HNRNPL: variants seen among roughly 807,000 people sequenced by gnomAD.
HNRNPL encodes heterogeneous nuclear ribonucleoprotein L.
Under a neutral mutation model 64.0 loss-of-function variants are expected in HNRNPL, and 12 were observed. That is an observed-to-expected ratio of 0.19 (90% CI 0.12 to 0.30). The LOEUF (loss-of-function observed/expected upper bound fraction) is 0.30. Among genes scored for constraint, HNRNPL ranks in the 10% least tolerant of loss-of-function variants. HNRNPL has a pLI of 1.00. For synonymous variants in HNRNPL, 385 were observed against 313.0 expected, an observed-to-expected ratio of 1.23 and a Z score of -2.43; for missense variants, 484 against 797.4, an observed-to-expected ratio of 0.61 and a Z score of 4.73.
intron 4 of HNRNPL, 146 bp downstream of exon 4, chr19:38,845,504 A>C: frequency 1.5e-6 from 1 of 679,658 alleles, no homozygotes; most frequent in Non-Finnish European, 2.7e-6. Flanking sequence ...CTGCCTCCCT[A>C]CTCAGTCACT....
At position 38,849,951 on chromosome 19, in the gene HNRNPL, G is replaced by C; in HGVS notation, c.16C>G (p.Leu6Val). Residue 6 changes from leucine (L) to valine (V), a missense_variant, in exon 1 of 13, where the codon CTG becomes GTG. Around this residue, in one of 9 missense-constraint regions of HNRNPL, gnomAD observed 190 missense variants for 160.1 expected, o/e 1.19. Coordinates refer to ENST00000221419, the MANE Select transcript of HNRNPL (RefSeq NM_001533.3). MSRRL[L>V]PRAEKRRRRL... ...CGACGCCGCTTCTCCGCCCGGGGCA[G>C]CAGCCTCCGCGACATGGCGGCGCAG... 7.4e-7 allele frequency: 1 copy of C among 1,352,296 alleles called. No homozygotes were observed. Among genetic ancestry groups the C allele is most frequent in the Non-Finnish European group, 9.6e-7 (1 of 1,042,902 alleles). The allele number at this position is 1,352,296 out of a possible 1,614,324, so 83.8% of individuals were successfully genotyped here.
intron 5 of HNRNPL, 33 bp from the exon 6 acceptor site, chr19:38,843,947 C>A (rs376505507): frequency 1.2e-6 from 2 of 1,610,738 alleles, no homozygotes; most frequent in African/African-American, 2.7e-5. Flanking sequence ...GACTTGAGGT[C>A]AGCCATGCCC....
intron 6 of HNRNPL, chr19:38,843,640 A>C: frequency 1.7e-6 from 1 of 585,104 alleles, no homozygotes; most frequent in Non-Finnish European, 3.1e-6. Context: ...GCAGCATCGG[A>C]GGGCCCCAAG....
At chr19:38,840,436 G>A (rs1702347828) in intron 7 of HNRNPL, 52 bp downstream of exon 7, 7 of 1,558,798 alleles carry the variant, frequency 4.5e-6, no homozygotes, top group Non-Finnish European at 6.1e-6. Flanking sequence ...CGGGCGGCGG[G>A]CAGGGGCACA....
At chr19:38,843,977 C>G in intron 5 of HNRNPL, 31 bp downstream of exon 5, 1 of 1,607,424 alleles carries the variant, frequency 6.2e-7, no homozygotes, top group African/African-American at 1.3e-5. Context: ...TGGAAGCTGA[C>G]AAGGGGCAGT....
At chr19:38,841,507 T>C (rs1397774504) in intron 6 of HNRNPL, 3 of 513,990 alleles carry the variant, frequency 5.8e-6, no homozygotes, top group Admixed American at 2.4e-5. Flanking sequence ...CCACCCGGCC[T>C]GGGTTTTGTT....
rs943171610 is a variant in HNRNPL at position 38,849,826 on chromosome 19, G to A, written c.141C>T (p.Tyr47=). ...GGCCGCCCTCACTGCCGCCGCCGTAGTAGCGGCCACCGCCGCCTCCGCCGC... is the reference window on the plus strand; with the variant it reads ...GGCCGCCCTCACTGCCGCCGCCGTAATAGCGGCCACCGCCGCCTCCGCCGC... The part of the protein sequence containing the change: ...AAGGGGGGGR[Y]YGGGSEGGRA... The change falls in exon 1 of 13, where the codon TAC becomes TAT. Residue 47 remains tyrosine (Y), a synonymous_variant. Coordinates refer to ENST00000221419, the MANE Select transcript of HNRNPL (RefSeq NM_001533.3). 3.2e-6 allele frequency: 4 copies of A among 1,260,816 alleles called. No homozygotes were observed. Among genetic ancestry groups the A allele is most frequent in the Admixed American group, 2.1e-5 (1 of 47,532 alleles). 78.1% of individuals were successfully genotyped at this position (1,260,816 alleles called of 1,614,324 possible).
intron 8 of HNRNPL, 35 bp from the exon 9 acceptor site, chr19:38,839,050 C>CAGCT (rs758635649): frequency 4.3e-6 from 7 of 1,610,378 alleles, no homozygotes; most frequent in Non-Finnish European, 5.9e-6. Context: ...CACCTCTGTC[C>CAGCT]AGCTGCCAGG....
intron 2 of HNRNPL, among the ~76,000 whole-genome samples, chr19:38,846,497 C>T (rs1419029642): frequency 6.6e-6 from 1 of 152,186 alleles, no homozygotes. Flanking sequence ...TGGCCAGGAG[C>T]AGTAGTAGCT....
chr19:38,846,219 G>A (rs1359035242), intron 2 of HNRNPL, 129 bp from the exon 3 acceptor site: 8 of 744,736 alleles, frequency 1.1e-5, no homozygotes, highest in South Asian at 3.1e-5. Context: ...ATGGTTCCCC[G>A]ACCTGAACAC....
chr19:38,837,849 G>C (rs1246158731), intron 10 of HNRNPL, among the ~76,000 whole-genome samples, 198 bp from the exon 11 acceptor site: 1 of 152,228 alleles, frequency 6.6e-6, no homozygotes, highest in Non-Finnish European at 1.5e-5. Flanking sequence ...AGTTGCCTGA[G>C]ACTGGGAAGC....
At chr19:38,837,991 C>CT (rs1284346244) in intron 10 of HNRNPL, among the ~76,000 whole-genome samples, 4 of 152,212 alleles carry the variant, frequency 2.6e-5, no homozygotes, top group Non-Finnish European at 5.9e-5. Context: ...CTCCCTTCCG[C>CT]TGCCTCAGTT....
chr19:38,840,672 C>G (rs1972087243), intron 6 of HNRNPL, 113 bp from the exon 7 acceptor site: 2 of 833,018 alleles, frequency 2.4e-6, no homozygotes, highest in Non-Finnish European at 3.9e-6. Context: ...CAAGCCCTCC[C>G]TTCCTCGAGG....
At chr19:38,844,497 C>T (rs1218235438) in intron 4 of HNRNPL, among the ~76,000 whole-genome samples, 2 of 152,188 alleles carry the variant, frequency 1.3e-5, no homozygotes, top group African/African-American at 4.8e-5. Context: ...CATCGCAACG[C>T]TGTCTAGGAT....
rs186464546 is a variant in HNRNPL, at chr19:38,841,085, G to C, written c.881-526C>G. On this transcript the variant is annotated intron_variant, in intron 6 of 12. Transcript: ENST00000221419. ...CCAGTCCCCCCTCCCTCCCAGTCCC[G>C]CCAGCCCAAGAGGGACTGACTGTAG... 356 of 187,326 alleles carry C rather than the reference G, an allele frequency of 1.9e-3. 2 individuals are homozygous for C. Among genetic ancestry groups the C allele is most frequent in the African/African-American group, 8.3e-3 (344 of 41,494 alleles). 11.6% of individuals were successfully genotyped at this position (187,326 alleles called of 1,614,324 possible).
At position 38,839,754 on chromosome 19, in the gene HNRNPL, G is replaced by C. The variant is rs898871771; in HGVS notation, c.1233+342C>G. 3 of 251,944 alleles carry C rather than the reference G, an allele frequency of 1.2e-5. No homozygotes were observed. The Admixed American group carries it at 1.6e-4, about 13-fold the overall frequency. 15.6% of individuals were successfully genotyped at this position (251,944 alleles called of 1,614,324 possible). A position where few individuals can be genotyped will look rare whatever the true frequency, so the allele number is the denominator to read the frequency against. On this transcript the variant is annotated intron_variant, in intron 8 of 12. Coordinates refer to ENST00000221419, the MANE Select transcript of HNRNPL (RefSeq NM_001533.3). ...CCCATGGGAAGGCAGAAGGCCCGGT[G>C]TTGCCAGGTCTTAAGTTTTCAGGAG... is the stretch of plus-strand genomic sequence containing the variant.
At chr19:38,849,546 C>T (rs1972429024) in intron 1 of HNRNPL, among the ~76,000 whole-genome samples, 154 bp downstream of exon 1, 1 of 152,138 alleles carries the variant, frequency 6.6e-6, no homozygotes, top group Non-Finnish European at 1.5e-5. Context: ...GCAAACCCCG[C>T]CGTTTGCCCA....
At chr19:38,850,227 G>C (rs981345214), upstream of HNRNPL, 2 of 393,900 alleles carry the variant, frequency 5.1e-6, no homozygotes, top group Non-Finnish European at 9.0e-6. Context: ...AATCCAATTT[G>C]ATAGGTCGGA....
chr19:38,840,025 G>A (rs1193710860), intron 8 of HNRNPL, 71 bp downstream of exon 8: 15 of 1,476,870 alleles, frequency 1.0e-5, no homozygotes, highest in Non-Finnish European at 1.3e-5. Flanking sequence ...GCTCCCCCCT[G>A]GTTCTTTCCC....
Sources: allele counts gnomAD v4.1 joint callset (sites outside exome capture counted in the v4.1 genomes callset), GRCh38; gene constraint gnomAD v4.1.1; regional missense constraint gnomAD v4.1.1; transcripts MANE v1.5; gene names NCBI Gene and HGNC (gene_info 2026-07-23, HGNC 2026-07-21).